The following SDK2 variants were observed in gnomAD, a reference collection of about 807,000 sequenced individuals.
SDK2 encodes protein sidekick-2.
A neutral mutation model predicts 253.9 loss-of-function variants in SDK2; 105 were observed. The observed-to-expected ratio is 0.41, with a 90% CI of 0.35 to 0.49. The LOEUF is 0.49. Ranked by LOEUF, SDK2 falls within the 20% of genes least tolerant of loss-of-function variation. The pLI is 0.06. For missense variants in SDK2, 2,608 were observed against 3,003.0 expected, an observed-to-expected ratio of 0.87 and a Z score of 3.07; for synonymous variants, 1,249 against 1,234.9, an observed-to-expected ratio of 1.01 and a Z score of -0.24.
intron 1 of SDK2, among the ~76,000 whole-genome samples, chr17:73,540,217 G>A (rs112074460): frequency 9.2e-5 from 14 of 152,302 alleles, no homozygotes; most frequent in Middle Eastern, 3.4e-3. Context: ...CAGAGCCTCC[G>A]AGGGAGCAGG....
chr17:73,398,487 C>G, intron 22 of SDK2, 58 bp from the exon 23 acceptor site: 1 of 1,449,036 alleles, frequency 6.9e-7, no homozygotes, highest in South Asian at 1.2e-5. Context: ...CGGGGTGCTC[C>G]GAGCCCCAGT....
intron 24 of SDK2, among the ~76,000 whole-genome samples, chr17:73,396,860 T>C (rs1165807460): frequency 6.6e-6 from 1 of 152,202 alleles, no homozygotes; most frequent in Non-Finnish European, 1.5e-5. Context: ...AGTCACACTG[T>C]GCACGGGGCA....
chr17:73,363,011 C>T (rs117962240), intron 38 of SDK2, among the ~76,000 whole-genome samples: 37 of 152,366 alleles, frequency 2.4e-4, no homozygotes, highest in Middle Eastern at 6.8e-3. Flanking sequence ...GCATCTTAGG[C>T]AGGGATGCTA....
chr17:73,429,110 C>CT (rs1477929841), intron 12 of SDK2, among the ~76,000 whole-genome samples: 1 of 151,098 alleles, frequency 6.6e-6, no homozygotes, highest in Non-Finnish European at 1.5e-5. Flanking sequence ...AGTAAGTCAT[C>CT]TTTTTTATAA....
rs776749969 is a variant in SDK2, at chr17:73,352,686, A to G, written c.5594-49T>C. On this transcript the variant is annotated intron_variant, in intron 40 of 44. Coordinates refer to ENST00000392650, the MANE Select transcript of SDK2 (RefSeq NM_001144952.2). The surrounding 1 kb of genome is among the most constrained non-coding windows in gnomAD (Gnocchi z 4.1). ...CCCTGGGAGGTGAGGGGAAGCCCCA[A>G]ATCCCGCTCCCAGCCCCGTTCTGAC... 20 of 1,594,734 alleles carry G rather than the reference A, an allele frequency of 1.3e-5. No individual in the cohort carries two copies. The highest frequency in any genetic ancestry group is 1.7e-5 in the Admixed American group (1 of 59,296).
rs562368689 is a variant in SDK2 at position 73,596,354 on chromosome 17, C to T, written c.64+47671G>A. 2.6e-5 allele frequency among the ~76,000 whole-genome samples: 4 copies of T among 152,238 alleles called. No homozygotes were observed. The East Asian group carries it at 5.8e-4, about 22-fold the overall frequency. On this transcript the variant is annotated intron_variant, in intron 1 of 44. Coordinates refer to ENST00000392650, the MANE Select transcript of SDK2 (RefSeq NM_001144952.2). ...TGGGGACCTGGAGGAAGCCTCCTCC[C>T]CTCCCTGGAGAGGGGCATGACACGG...
At chr17:73,396,549 G>C (rs920233619) in intron 24 of SDK2, among the ~76,000 whole-genome samples, 1 of 152,280 alleles carries the variant, frequency 6.6e-6, no homozygotes, top group Admixed American at 6.5e-5. Flanking sequence ...TAGTGAAGCC[G>C]ACCAAAGACC....
intron 1 of SDK2, among the ~76,000 whole-genome samples, chr17:73,638,565 C>A (rs1016964795): frequency 6.6e-6 from 1 of 151,980 alleles, no homozygotes; most frequent in Admixed American, 6.6e-5. Flanking sequence ...AGGTTGGAGG[C>A]CTGGTAAATT....
intron 12 of SDK2, among the ~76,000 whole-genome samples, chr17:73,427,642 CAA>C (rs9302965): frequency 0.017 from 1,763 of 105,774 alleles, 34 homozygotes; most frequent in African/African-American, 0.05. Context: ...CATCCACATG[CAA>C]AAAAAAAAAA....
chr17:73,640,184 G>A (rs1192098771), intron 1 of SDK2, among the ~76,000 whole-genome samples: 1 of 150,824 alleles, frequency 6.6e-6, no homozygotes, highest in African/African-American at 2.4e-5. Flanking sequence ...CCCTATGCCG[G>A]CCTTCCAGTA....
At chr17:73,568,122 T>C (rs1304977425) in intron 1 of SDK2, among the ~76,000 whole-genome samples, 1 of 152,030 alleles carries the variant, frequency 6.6e-6, no homozygotes, top group Admixed American at 6.6e-5. Flanking sequence ...CTGGGGGAGA[T>C]GTTTGTGTTG....
At chr17:73,367,141 T>C (rs919496652) in intron 37 of SDK2, among the ~76,000 whole-genome samples, 5 of 151,818 alleles carry the variant, frequency 3.3e-5, no homozygotes, top group African/African-American at 9.7e-5. Flanking sequence ...GTAGCTGGGA[T>C]TGGAGAAGGG....
At position 73,612,427 on chromosome 17, in the gene SDK2, C is replaced by T. The variant is rs2143134817; in HGVS notation, c.64+31598G>A. Among the ~76,000 whole-genome samples, 1 of 152,268 alleles carries T rather than the reference C, an allele frequency of 6.6e-6. No homozygotes were observed. Among genetic ancestry groups the T allele is most frequent in the East Asian group, 1.9e-4 (1 of 5,172 alleles). Reference sequence around the variant, plus strand: ...AGCTGCACCTAGGCTGCAGGCTGGCCTCCCAAGGTCCCCTACCCTCACTGG... The same window carrying T: ...AGCTGCACCTAGGCTGCAGGCTGGCTTCCCAAGGTCCCCTACCCTCACTGG... On this transcript the variant is annotated intron_variant, in intron 1 of 44. Transcript: ENST00000392650. The surrounding 1 kb of genome is among the most constrained non-coding windows in gnomAD (Gnocchi z 4.4).
intron 44 of SDK2, among the ~76,000 whole-genome samples, chr17:73,342,298 G>A (rs985720231): frequency 6.6e-6 from 1 of 152,118 alleles, no homozygotes; most frequent in East Asian, 1.9e-4. Flanking sequence ...CCCTGGGCTC[G>A]GTCTGCCCCA....
rs377529553 is a variant in SDK2 at position 73,385,889 on chromosome 17, G to A, written c.4527C>T (p.Ser1509=). 55 of 1,608,640 alleles carry A rather than the reference G, an allele frequency of 3.4e-5. No homozygotes were observed. Among genetic ancestry groups the A allele is most frequent in the Middle Eastern group, 1.6e-4 (1 of 6,072 alleles). Residue 1509 remains serine, a synonymous_variant, in exon 32 of 45, where the codon TCC becomes TCT. Transcript: ENST00000392650. ...CGGAGGTGGTGGTGTGGGGCGTCAC[G>A]GAGAGGATGGTGGGTGCTTCATCGG... is the stretch of plus-strand genomic sequence containing the variant. ...AAPDEAPTIL[S]VTPHTTTSVL... is the part of the protein sequence containing the mutation.
intron 9 of SDK2, among the ~76,000 whole-genome samples, chr17:73,434,971 C>T (rs756918315): frequency 6.6e-6 from 1 of 152,106 alleles, no homozygotes; most frequent in African/African-American, 2.4e-5. Flanking sequence ...CTCTGGGAAG[C>T]GGCCAGGGCA....
At position 73,352,425 on chromosome 17, in the gene SDK2, A is replaced by G; in HGVS notation, c.5758+48T>C. On this transcript the variant is annotated intron_variant, in intron 41 of 44. Transcript: ENST00000392650. The surrounding 1 kb of genome is among the most constrained non-coding windows in gnomAD (Gnocchi z 4.1). ...TCCGCCCTGCCCAGTGTCAGCCCCC[A>G]GGCTCTGCTGTGGGGCTCCCCCACT... 1 of 1,574,446 alleles carries G rather than the reference A, an allele frequency of 6.4e-7. No homozygotes were observed.
chr17:73,409,430 G>A (rs4510086), intron 18 of SDK2, among the ~76,000 whole-genome samples: 144,443 of 151,868 alleles, frequency 0.95, 68,841 homozygotes, highest in Non-Finnish European at 0.99. Context: ...GCAGTGAGCC[G>A]AGATCCAACC....
intron 1 of SDK2, among the ~76,000 whole-genome samples, chr17:73,536,166 A>G (rs539719013): frequency 1.4e-3 from 214 of 152,176 alleles, no homozygotes; most frequent in African/African-American, 4.9e-3. Flanking sequence ...CCCCACTCAC[A>G]GCCTTTAATA....
Sources: gnomAD v4.1 joint callset for allele counts (sites outside exome capture counted in the v4.1 genomes callset) on GRCh38, gnomAD v4.1.1 for gene constraint, Gnocchi (gnomAD v3.1) non-coding constraint, MANE v1.5 for transcripts, NCBI Gene and HGNC (gene_info 2026-07-23, HGNC 2026-07-21) for gene names.